The following SYNRG variants were observed in gnomAD, a reference collection of about 807,000 sequenced individuals.
The protein encoded by SYNRG is AP1 gamma subunit binding protein 1.
SYNRG carries 37 observed loss-of-function variants against 130.9 expected under a neutral mutation model. The ratio of observed to expected loss-of-function variants is 0.28; its 90% CI spans 0.22 to 0.37. The LOEUF (loss-of-function observed/expected upper bound fraction) is 0.37, where lower values mean the gene tolerates loss of function less well. SYNRG is among the 10% of genes least tolerant of loss of function. The pLI, the probability that SYNRG is intolerant of heterozygous loss-of-function variation, is 1.00. For synonymous variants in SYNRG, 539 were observed against 568.1 expected, an observed-to-expected ratio of 0.95 and a Z score of 0.73; for missense variants, 1,338 against 1,588.9, an observed-to-expected ratio of 0.84 and a Z score of 2.68.
At chr17:37,529,510 A>G (rs2056361936) in intron 19 of SYNRG, among the ~76,000 whole-genome samples, 2 of 141,884 alleles carry the variant, frequency 1.4e-5, no homozygotes, top group Admixed American at 7.9e-5. Context: ...AGATTTTCGC[A>G]TTTTATTGTA....
chr17:37,609,173 G>A (rs1303339534), intron 1 of SYNRG, 106 bp downstream of exon 1: 7 of 1,241,838 alleles, frequency 5.6e-6, no homozygotes, highest in Non-Finnish European at 7.2e-6. Context: ...CCGCAGCCCA[G>A]TTCCAAGGAA....
At chr17:37,541,318 T>A in intron 15 of SYNRG, 2 of 937,358 alleles carry the variant, frequency 2.1e-6, no homozygotes, top group Non-Finnish European at 2.5e-6. Context: ...ACCAGGCAAG[T>A]AAAGTGAACA....
chr17:37,590,257 G>GA (rs905315736), intron 3 of SYNRG, among the ~76,000 whole-genome samples: 7 of 149,284 alleles, frequency 4.7e-5, no homozygotes, highest in African/African-American at 1.5e-4. Flanking sequence ...AGATAAGTCA[G>GA]AAAAAAAAAG....
intron 6 of SYNRG, among the ~76,000 whole-genome samples, chr17:37,581,765 CTTTTTTTTTTTT>C: frequency 9.5e-6 from 1 of 105,298 alleles, no homozygotes; most frequent in East Asian, 2.6e-4. Context: ...CATTTTTTTT[CTTTTTTTTTTTT>C]TTTTTGAGAC....
chr17:37,556,863 T>C (rs367663859), intron 13 of SYNRG, among the ~76,000 whole-genome samples: 2 of 152,372 alleles, frequency 1.3e-5, no homozygotes, highest in African/African-American at 4.8e-5. Flanking sequence ...CCTAAATTTT[T>C]AATGTGTTGC....
At chr17:37,604,782 A>G (rs949704781) in intron 1 of SYNRG, among the ~76,000 whole-genome samples, 1 of 152,150 alleles carries the variant, frequency 6.6e-6, no homozygotes, top group Non-Finnish European at 1.5e-5. Flanking sequence ...TCTTCCTTTC[A>G]CTTGAACACT....
chr17:37,594,524 G>A (rs1203652165), intron 3 of SYNRG, among the ~76,000 whole-genome samples: 4 of 148,032 alleles, frequency 2.7e-5, no homozygotes, highest in Admixed American at 6.8e-5. Context: ...GTGCAGTGGC[G>A]CAATCTCAGC....
intron 3 of SYNRG, among the ~76,000 whole-genome samples, chr17:37,594,217 T>A (rs1345676639): frequency 8.6e-4 from 74 of 86,384 alleles, no homozygotes; most frequent in East Asian, 7.2e-3. Flanking sequence ...CAATATTAAT[T>A]ATTTTAATTA....
chr17:37,562,867 G>C (rs1205146316), intron 11 of SYNRG, among the ~76,000 whole-genome samples: 1 of 152,082 alleles, frequency 6.6e-6, no homozygotes, highest in Non-Finnish European at 1.5e-5. Context: ...AAAGTTGAAT[G>C]ATTTCTTTAT....
chr17:37,577,761 T>A (rs1191517929), intron 6 of SYNRG, 148 bp from the exon 7 acceptor site: 1 of 647,936 alleles, frequency 1.5e-6, no homozygotes, highest in Non-Finnish European at 2.5e-6. Flanking sequence ...TGTACTGGCA[T>A]GATCTCAGCT....
chr17:37,525,546 G>A (rs75776414), intron 19 of SYNRG, among the ~76,000 whole-genome samples: 2,036 of 152,310 alleles, frequency 0.013, 62 homozygotes, highest in Admixed American at 0.077. Flanking sequence ...AAAGTCACAC[G>A]TAAGCCGGGA....
chr17:37,567,132 A>C (rs2060056161), intron 11 of SYNRG: 1 of 152,276 alleles, frequency 6.6e-6, no homozygotes, highest in Non-Finnish European at 1.5e-5. Flanking sequence ...AGAATGGATA[A>C]AGCTTGAAAG....
At chr17:37,554,579 A>G (rs916992438) in intron 13 of SYNRG, among the ~76,000 whole-genome samples, 1 of 152,244 alleles carries the variant, frequency 6.6e-6, no homozygotes, top group Non-Finnish European at 1.5e-5. Flanking sequence ...CACTTTAAGA[A>G]TAACATTAGA....
At chr17:37,540,124 T>G (rs954932524) in intron 16 of SYNRG, among the ~76,000 whole-genome samples, 3 of 152,244 alleles carry the variant, frequency 2.0e-5, no homozygotes, top group African/African-American at 7.2e-5. Context: ...ATACAAACAC[T>G]GCCATCCTTG....
At chr17:37,605,392 G>T (rs1018069809) in intron 1 of SYNRG, among the ~76,000 whole-genome samples, 1 of 152,152 alleles carries the variant, frequency 6.6e-6, no homozygotes, top group African/African-American at 2.4e-5. Flanking sequence ...AAGTAACTGT[G>T]AAGCTCTGTG....
At chr17:37,584,811 C>T in intron 5 of SYNRG, 52 bp from the exon 6 acceptor site, 1 of 1,331,486 alleles carries the variant, frequency 7.5e-7, no homozygotes. Flanking sequence ...TCACTGTATC[C>T]TAAACCCTCC....
rs1238066988 is a variant in SYNRG at position 37,553,750 on chromosome 17, A to G, written c.1973T>C (p.Leu658Ser). 1.9e-6 allele frequency: 3 copies of G among 1,612,976 alleles called. No homozygotes were observed. The highest frequency in any genetic ancestry group is 2.5e-6 in the Non-Finnish European group (3 of 1,179,764). The change falls in exon 14 of 22, where the codon TTG becomes TCG. Residue 658 changes from leucine to serine, a missense_variant. Physicochemically the swap from Leu to Ser is moderately radical, Grantham distance 145. Transcript: ENST00000612223. ...STGSAATMTA[L>S]AATKTSSLAD... The stretch of plus-strand genomic sequence containing the variant: ...CAAACTAGAAGTTTTTGTTGCTGCC[A>G]ATGCTGTCATAGTAGCAGCAGAACC...
In SYNRG at chr17:37,556,500, A is replaced by T. The variant is rs193175290; in HGVS notation, c.1664-2441T>A. ...AAAATAAAAATAAATTTAAAAAATA[A>T]AATATACTGTGCTTGTAACAAGATA... On this transcript the variant is annotated intron_variant, in intron 13 of 21. Transcript: ENST00000612223. 5.4e-3 allele frequency among the ~76,000 whole-genome samples: 815 copies of T among 151,600 alleles called. 6 individuals are homozygous for T. Among genetic ancestry groups the T allele is most frequent in the South Asian group, 0.011 (55 of 4,826 alleles).
At chr17:37,533,916 A>ATTTTC (rs2056913928) in intron 19 of SYNRG, among the ~76,000 whole-genome samples, 7 of 77,608 alleles carry the variant, frequency 9.0e-5, no homozygotes, top group Non-Finnish European at 1.6e-4. Flanking sequence ...TCTAAACTTC[A>ATTTTC]TTTTCTTTTC....
Sources: allele counts gnomAD v4.1 joint callset (sites outside exome capture counted in the v4.1 genomes callset), GRCh38; gene constraint gnomAD v4.1.1; transcripts MANE v1.5; gene names NCBI Gene and HGNC (gene_info 2026-07-23, HGNC 2026-07-21).